POLR3H: variants seen among roughly 807,000 people sequenced by gnomAD.
POLR3H encodes RNA polymerase III subunit H, also known as DNA-directed RNA polymerase III subunit RPC8.
POLR3H carries 17 observed loss-of-function variants against 25.5 expected under a neutral mutation model. That is an observed-to-expected ratio of 0.67 (90% confidence interval 0.46 to 1.00). POLR3H has a LOEUF of 1.00. Among genes scored for constraint, POLR3H ranks in the 50% least tolerant of loss-of-function variants. POLR3H has a pLI of 0.00. For synonymous variants in POLR3H, 129 were observed against 103.0 expected (o/e 1.25, Z -1.53); for missense variants, 274 against 265.0 (o/e 1.03, Z -0.24).
At position 41,526,718 on chromosome 22, in the gene POLR3H, A is replaced by G. The variant is rs2066605334; in HGVS notation, c.*2565T>C. 1 of 425,822 alleles carries G rather than the reference A, an allele frequency of 2.3e-6. No individual in the cohort carries two copies. Among genetic ancestry groups the G allele is most frequent in the Non-Finnish European group, 4.2e-6 (1 of 236,812 alleles). 26.4% of individuals were successfully genotyped at this position (425,822 alleles called of 1,614,324 possible). A position where few individuals can be genotyped will look rare whatever the true frequency, so the allele number is the denominator to read the frequency against. On this transcript the variant is annotated 3_prime_UTR_variant, in exon 6 of 6. Coordinates refer to ENST00000355209, the MANE Select transcript of POLR3H (RefSeq NM_001018050.4). ...GGATATCTGGCCCTAGACAAAGACAAGGAAGGGGGCCGACTCAGGAAGTCA... is the reference window on the plus strand; with the variant it reads ...GGATATCTGGCCCTAGACAAAGACAGGGAAGGGGGCCGACTCAGGAAGTCA...
In POLR3H at chr22:41,528,029, G is replaced by A. The variant is rs2146154611; in HGVS notation, c.*1254C>T. On this transcript the variant is annotated 3_prime_UTR_variant, in exon 6 of 6. Transcript: ENST00000355209. ...GGACTTCACCCCTGGCAAGGTTAGG[G>A]GCCCGGGTCCCCCTGAGGTGGTGGG... 1.9e-6 allele frequency: 3 copies of A among 1,614,104 alleles called. No individual in the cohort carries two copies. Among genetic ancestry groups the A allele is most frequent in the Non-Finnish European group, 2.5e-6 (3 of 1,180,022 alleles).
rs144408617 is a variant in POLR3H, at chr22:41,529,696, C to A, written c.562-360G>T. The A allele has an allele frequency of 5.5e-4, 318 of 575,952 alleles. No homozygotes were observed. In the African/African-American group the frequency reaches 5.6e-3, roughly 10 times the overall value. The allele number at this position is 575,952 out of a possible 1,614,324, so 35.7% of individuals were successfully genotyped here. A position where few individuals can be genotyped will look rare whatever the true frequency, so the allele number is the denominator to read the frequency against. ...AGCAGCCTTGAAAGCCACTCTTCCCCGGAGCCCTCCCTTTTATTTCACTGC... is the reference window on the plus strand; with the variant it reads ...AGCAGCCTTGAAAGCCACTCTTCCCAGGAGCCCTCCCTTTTATTTCACTGC... On this transcript the variant is annotated intron_variant, in intron 5 of 5. Coordinates refer to ENST00000355209, the MANE Select transcript of POLR3H (RefSeq NM_001018050.4).
Position 41,544,341 on chromosome 22 carries a change from C to A in POLR3H, c.-240G>T. On this transcript the variant is annotated 5_prime_UTR_variant, in exon 1 of 6. Coordinates refer to ENST00000355209, the MANE Select transcript of POLR3H (RefSeq NM_001018050.4). ...CACAGCTCCGGGTGCGCGCCCGCGC[C>A]GCGAGACCCCGCCACGCCACGCCAC... The A allele has an allele frequency of 2.5e-6, 1 of 398,976 alleles. No individual in the cohort carries two copies. Among genetic ancestry groups the A allele is most frequent in the South Asian group, 4.0e-5 (1 of 25,076 alleles). The allele number at this position is 398,976 out of a possible 1,614,324, so 24.7% of individuals were successfully genotyped here.
At chr22:41,530,008 G>A (rs1004858078) in intron 5 of POLR3H, among the ~76,000 whole-genome samples, 9 of 152,000 alleles carry the variant, frequency 5.9e-5, no homozygotes, top group Non-Finnish European at 8.8e-5. Context: ...GCCCACCTTG[G>A]CCTCCCAAAG....
chr22:41,532,785 C>A (rs1407943674), intron 2 of POLR3H, 40 bp from the exon 3 acceptor site: 2 of 1,599,778 alleles, frequency 1.3e-6, no homozygotes, highest in Admixed American at 1.7e-5. Flanking sequence ...CTGACCGGGG[C>A]CCCAGTGCGC....
At chr22:41,535,184 GTC>G (rs2066821852) in intron 2 of POLR3H, among the ~76,000 whole-genome samples, 1 of 152,018 alleles carries the variant, frequency 6.6e-6, no homozygotes, top group African/African-American at 2.4e-5. Flanking sequence ...ATGCTTGTTT[GTC>G]TCTCTTTGGG....
At position 41,528,913 on chromosome 22, in the gene POLR3H, T is replaced by G; in HGVS notation, c.*370A>C. On this transcript the variant is annotated 3_prime_UTR_variant, in exon 6 of 6. Coordinates refer to ENST00000355209, the MANE Select transcript of POLR3H (RefSeq NM_001018050.4). ...TTTTTCTCCTGCCTGATCATTTCAT[T>G]GGTGGCTGAAGGATTCTAGAGAACC... The G allele has an allele frequency of 1.9e-6, 1 of 518,564 alleles. No individual in the cohort carries two copies. The highest frequency in any genetic ancestry group is 2.6e-5 in the South Asian group (1 of 38,124). 32.1% of individuals were successfully genotyped at this position (518,564 alleles called of 1,614,324 possible).
At chr22:41,543,491 G>A (rs1311637374) in intron 1 of POLR3H, among the ~76,000 whole-genome samples, 1 of 152,028 alleles carries the variant, frequency 6.6e-6, no homozygotes, top group Non-Finnish European at 1.5e-5. Flanking sequence ...GGTGGCGCGC[G>A]CCTGTAGTTG....
chr22:41,532,711 T>A lies in POLR3H; in HGVS notation c.243A>T (p.Leu81=). 1 of 1,614,072 alleles carries A rather than the reference T, an allele frequency of 6.2e-7. No individual in the cohort carries two copies. Among genetic ancestry groups the A allele is most frequent in the South Asian group, 1.1e-5 (1 of 91,082 alleles). The change falls in exon 3 of 6, where the codon CTA becomes CTT. Residue 81 remains leucine, a synonymous_variant. Transcript: ENST00000355209. Reference sequence around the variant, plus strand: ...TGATCTTCCCAATGAGAATCTCATCTAGGAATGGATGAAACACCACGCAGC... The same window carrying A: ...TGATCTTCCCAATGAGAATCTCATCAAGGAATGGATGAAACACCACGCAGC... The part of the protein sequence containing the change: ...HFRCVVFHPF[L]DEILIGKIKG...
intron 5 of POLR3H, among the ~76,000 whole-genome samples, chr22:41,530,047 G>A (rs1366669427): frequency 7.9e-5 from 12 of 151,108 alleles, no homozygotes; most frequent in Non-Finnish European, 1.5e-4. Flanking sequence ...GAGCCACTGT[G>A]CCCCAGCAGC....
intron 2 of POLR3H, among the ~76,000 whole-genome samples, chr22:41,536,882 A>G (rs1404332083): frequency 6.6e-6 from 1 of 151,766 alleles, no homozygotes; most frequent in Admixed American, 6.6e-5. Context: ...AAAAAAAAAA[A>G]AAAGGCTTTA....
rs764123199 is a variant in POLR3H at position 41,543,797 on chromosome 22, GTTACAACTCCCTTTTTCAAGCCCA to G, written c.111+170_111+193del. ...AGAATTGTGGAATCTAACACTTCCA[GTTACAACTCCCTTTTTCAAGCCCA>G]TTTTCTTTTGATCCCCTTCAATATC... On this transcript the variant is annotated intron_variant, in intron 1 of 5. Coordinates refer to ENST00000355209, the MANE Select transcript of POLR3H (RefSeq NM_001018050.4). 1.0e-5 allele frequency: 7 copies of G among 702,472 alleles called. No individual in the cohort carries two copies. In the South Asian group the frequency reaches 1.1e-4, roughly 11 times the overall value. The allele number at this position is 702,472 out of a possible 1,614,324, so 43.5% of individuals were successfully genotyped here. A position where few individuals can be genotyped will look rare whatever the true frequency, so the allele number is the denominator to read the frequency against.
intron 1 of POLR3H, among the ~76,000 whole-genome samples, chr22:41,541,330 T>C (rs1243084412): frequency 6.6e-6 from 1 of 152,090 alleles, no homozygotes; most frequent in Admixed American, 6.5e-5. Context: ...CCCACTGTGC[T>C]CACAACATCT....
Position 41,527,136 on chromosome 22 carries a change from T to C in POLR3H, c.*2147A>G. On this transcript the variant is annotated 3_prime_UTR_variant, in exon 6 of 6. Coordinates refer to ENST00000355209, the MANE Select transcript of POLR3H (RefSeq NM_001018050.4). ...CATTCACGCAGGCTTCACTTGCCCTTAGGCAGCAGGCGAGGAAGGGCCCCT... is the reference window on the plus strand; with the variant it reads ...CATTCACGCAGGCTTCACTTGCCCTCAGGCAGCAGGCGAGGAAGGGCCCCT... 2.6e-6 allele frequency: 3 copies of C among 1,154,146 alleles called. No homozygotes were observed. The highest frequency in any genetic ancestry group is 2.9e-5 in the South Asian group (2 of 68,522). 71.5% of individuals were successfully genotyped at this position (1,154,146 alleles called of 1,614,324 possible). A position where few individuals can be genotyped will look rare whatever the true frequency, so the allele number is the denominator to read the frequency against.
At chr22:41,529,818 C>G (rs753061613) in intron 5 of POLR3H, 18 of 405,882 alleles carry the variant, frequency 4.4e-5, no homozygotes, top group Non-Finnish European at 7.8e-5. Flanking sequence ...TGGAGTGGCA[C>G]GATCTTGGCT....
Position 41,526,955 on chromosome 22 carries a change from A to G in POLR3H, c.*2328T>C. 2.4e-6 allele frequency: 1 copy of G among 416,648 alleles called. No homozygotes were observed. The highest frequency in any genetic ancestry group is 4.3e-6 in the Non-Finnish European group (1 of 230,004). 25.8% of individuals were successfully genotyped at this position (416,648 alleles called of 1,614,324 possible). On this transcript the variant is annotated 3_prime_UTR_variant, in exon 6 of 6. Transcript: ENST00000355209. ...AGGAAGGGGGCGCCTTGAGCTTCAC[A>G]GATGCATCTTGTGTGGGGCCCGGAG...
At chr22:41,538,386 A>G (rs1264170333) in intron 2 of POLR3H, among the ~76,000 whole-genome samples, 4 of 151,964 alleles carry the variant, frequency 2.6e-5, no homozygotes, top group African/African-American at 9.7e-5. Context: ...TCGGCCTCCC[A>G]AAGTGCTGGG....
chr22:41,544,058 G>A lies in POLR3H; in HGVS notation c.44C>T (p.Pro15Leu), dbSNP rs779597116. Reference sequence around the variant, plus strand: ...GTTGAGCTTCCTCTCAAACTGCCAAGGGGGGATCCGGACGGTGTCCACCAT... The same window carrying A: ...GTTGAGCTTCCTCTCAAACTGCCAAAGGGGGATCCGGACGGTGTCCACCAT... ...VEMVDTVRIP[P>L]WQFERKLNDS... Residue 15 changes from proline (P) to leucine (L), a missense_variant, in exon 1 of 6, where the codon CCT becomes CTT. Transcript: ENST00000355209. 2 of 1,611,744 alleles carry A rather than the reference G, an allele frequency of 1.2e-6. No homozygotes were observed. The highest frequency in any genetic ancestry group is 1.1e-5 in the South Asian group (1 of 91,016).
At chr22:41,542,064 C>A (rs2037776843) in intron 1 of POLR3H, among the ~76,000 whole-genome samples, 1 of 151,820 alleles carries the variant, frequency 6.6e-6, no homozygotes, top group Non-Finnish European at 1.5e-5. Flanking sequence ...CTCTTCCACA[C>A]CATGGTGGGT....
Sources: allele counts gnomAD v4.1 joint callset (sites outside exome capture counted in the v4.1 genomes callset), GRCh38; gene constraint gnomAD v4.1.1; transcripts MANE v1.5; gene names NCBI Gene and HGNC (gene_info 2026-07-23, HGNC 2026-07-21).